The following ADAM22 variants were observed in gnomAD, a reference collection of about 807,000 sequenced individuals.
ADAM22 encodes the protein ADAM metallopeptidase domain 22.
A neutral mutation model predicts 144.6 loss-of-function variants in ADAM22; 65 were observed. That is an observed-to-expected ratio of 0.45 (90% CI 0.37 to 0.55). The LOEUF (loss-of-function observed/expected upper bound fraction) is 0.55, where lower values mean the gene tolerates loss of function less well. ADAM22 is among the 20% of genes least tolerant of loss of function. The pLI is 0.00. For synonymous variants in ADAM22, 391 were observed against 412.6 expected (o/e 0.95, Z 0.63); for missense variants, 974 against 1,184.9 (o/e 0.82, Z 2.61).
intron 2 of ADAM22, among the ~76,000 whole-genome samples, chr7:87,946,665 A>T (rs1843737882): frequency 6.6e-6 from 1 of 152,136 alleles, no homozygotes; most frequent in Non-Finnish European, 1.5e-5. Context: ...GGCTGGAGGT[A>T]TGCAGCTTTG....
chr7:87,982,155 C>T (rs1260952773), intron 3 of ADAM22, among the ~76,000 whole-genome samples: 2 of 150,964 alleles, frequency 1.3e-5, no homozygotes, highest in East Asian at 2.0e-4. Flanking sequence ...AAAAGCTTCT[C>T]TAGACCCTGA....
At chr7:88,192,071 A>AC (rs1363910730) in intron 30 of ADAM22, among the ~76,000 whole-genome samples, 2 of 152,186 alleles carry the variant, frequency 1.3e-5, no homozygotes, top group African/African-American at 4.8e-5. Context: ...GTAGATCTTG[A>AC]CCTACCTAGT....
In ADAM22 at chr7:88,149,029, G is replaced by T. The variant is rs200398630; in HGVS notation, c.1538G>T (p.Arg513Leu). The part of the protein sequence containing the change: ...CREAVNDCDI[R>L]ETCSGNSSQC... The stretch of plus-strand genomic sequence containing the variant: ...GAAGCAGTAAATGATTGTGATATTC[G>T]TGAAACGTGCTCAGGAAATTCAAGC... The change falls in exon 18 of 32, where the codon CGT (arginine) becomes CTT (leucine). Residue 513 changes from arginine to leucine, a missense_variant. By Grantham distance (102) the Arg-to-Leu change is moderately radical (BLOSUM62 -2). Transcript: ENST00000413139. The T allele has an allele frequency of 1.2e-6, 2 of 1,612,008 alleles. No individual in the cohort carries two copies. Among genetic ancestry groups the T allele is most frequent in the East Asian group, 2.2e-5 (1 of 44,790 alleles).
At position 88,131,343 on chromosome 7, in the gene ADAM22, C is replaced by G. The variant is rs769724158; in HGVS notation, c.900C>G (p.Ala300=). 3 of 1,613,704 alleles carry G rather than the reference C, an allele frequency of 1.9e-6. No individual in the cohort carries two copies. Among genetic ancestry groups the G allele is most frequent in the South Asian group, 1.1e-5 (1 of 91,068 alleles). ...CCTGGGCGACTGACAACAAGTTTGCCATATCTGAAAATCCATTGATCACCC... is the reference window on the plus strand; with the variant it reads ...CCTGGGCGACTGACAACAAGTTTGCGATATCTGAAAATCCATTGATCACCC... ...METWATDNKF[A]ISENPLITLR... is the part of the protein sequence containing the mutation. Residue 300 remains alanine (A), a synonymous_variant, in exon 11 of 32, where the codon GCC becomes GCG. Coordinates refer to ENST00000413139, the MANE Select transcript of ADAM22 (RefSeq NM_001324418.2).
intron 3 of ADAM22, among the ~76,000 whole-genome samples, chr7:88,029,791 G>T (rs1167667219): frequency 2.6e-5 from 4 of 151,606 alleles, no homozygotes; most frequent in African/African-American, 4.8e-5. Flanking sequence ...TTTTAAATAT[G>T]TCATGCCACT....
intron 3 of ADAM22, among the ~76,000 whole-genome samples, chr7:88,051,363 A>T (rs891708822): frequency 6.6e-6 from 1 of 152,222 alleles, no homozygotes; most frequent in African/African-American, 2.4e-5. Flanking sequence ...ATGGAATACT[A>T]TGCAGCCATA....
intron 26 of ADAM22, among the ~76,000 whole-genome samples, chr7:88,176,323 A>T (rs1197750094): frequency 6.6e-6 from 1 of 152,178 alleles, no homozygotes; most frequent in Admixed American, 6.5e-5. Flanking sequence ...TTCCTTATGG[A>T]ATTTTAGGGA....
At chr7:87,960,621 G>T (rs1032011401) in intron 2 of ADAM22, among the ~76,000 whole-genome samples, 1 of 152,108 alleles carries the variant, frequency 6.6e-6, no homozygotes, top group Non-Finnish European at 1.5e-5. Flanking sequence ...AGAGATTCTT[G>T]ATTTCTCTTT....
chr7:87,959,688 A>G (rs1482441727), intron 2 of ADAM22, among the ~76,000 whole-genome samples: 1 of 152,222 alleles, frequency 6.6e-6, no homozygotes, highest in Non-Finnish European at 1.5e-5. Flanking sequence ...CAGACAGGTG[A>G]TCTAGAAGAA....
chr7:88,162,878 G>A, intron 22 of ADAM22, 134 bp from the exon 23 acceptor site: 1 of 808,722 alleles, frequency 1.2e-6, no homozygotes, highest in Non-Finnish European at 1.9e-6. Flanking sequence ...GATTGAACTG[G>A]CTTATGCTAC....
intron 12 of ADAM22, among the ~76,000 whole-genome samples, chr7:88,133,351 A>G (rs1832254772): frequency 6.7e-6 from 1 of 149,446 alleles, no homozygotes; most frequent in South Asian, 2.2e-4. Context: ...CAACAGAGTG[A>G]GACCCTGTCT....
At chr7:88,027,125 G>A (rs759196231) in intron 3 of ADAM22, among the ~76,000 whole-genome samples, 4 of 152,120 alleles carry the variant, frequency 2.6e-5, no homozygotes, top group African/African-American at 7.2e-5. Flanking sequence ...TGTTGAATTT[G>A]GTTTGCTAGT....
chr7:88,201,710 C>T lies in ADAM22; in HGVS notation c.*5219C>T, dbSNP rs1010587395. The T allele has an allele frequency of 3.3e-5, 5 of 152,162 alleles. No individual in the cohort carries two copies. Among genetic ancestry groups the T allele is most frequent in the East Asian group, 1.9e-4 (1 of 5,202 alleles). 9.4% of individuals were successfully genotyped at this position (152,162 alleles called of 1,614,324 possible). On this transcript the variant is annotated 3_prime_UTR_variant, in exon 32 of 32. Coordinates refer to ENST00000413139, the MANE Select transcript of ADAM22 (RefSeq NM_001324418.2). ...AAGTAATCATCATTCCATGTTCCTA[C>T]GTATCCTTGAAATCAAAACCAGGCA...
chr7:88,094,014 G>T (rs1820613337), intron 4 of ADAM22, among the ~76,000 whole-genome samples: 1 of 152,160 alleles, frequency 6.6e-6, no homozygotes, highest in Admixed American at 6.6e-5. Context: ...ATAATTCTCA[G>T]ATACTCAATG....
At chr7:88,183,537 T>G (rs984632029) in intron 29 of ADAM22, among the ~76,000 whole-genome samples, 1 of 152,144 alleles carries the variant, frequency 6.6e-6, no homozygotes, top group Non-Finnish European at 1.5e-5. Context: ...CTTATTTTTT[T>G]AAATGTTGTG....
At chr7:87,981,037 A>T (rs1853286368) in intron 3 of ADAM22, among the ~76,000 whole-genome samples, 1 of 152,182 alleles carries the variant, frequency 6.6e-6, no homozygotes, top group Admixed American at 6.5e-5. Flanking sequence ...TGAGCAATTC[A>T]GTCCAATTTT....
chr7:87,982,337 TC>T (rs1340415891), intron 3 of ADAM22, among the ~76,000 whole-genome samples: 4 of 151,686 alleles, frequency 2.6e-5, no homozygotes, highest in African/African-American at 9.7e-5. Context: ...GAATTGGTTG[TC>T]CGGGACAGGC....
chr7:88,165,068 T>C (rs1179420776), intron 23 of ADAM22, among the ~76,000 whole-genome samples: 1 of 152,116 alleles, frequency 6.6e-6, no homozygotes, highest in Non-Finnish European at 1.5e-5. Flanking sequence ...GAAACCCCTG[T>C]AGTAAAAACC....
intron 7 of ADAM22, among the ~76,000 whole-genome samples, chr7:88,119,221 G>T (rs964440117): frequency 5.9e-5 from 9 of 152,162 alleles, no homozygotes; most frequent in Admixed American, 3.3e-4. Context: ...TAAAAGTCTT[G>T]TGTACCATTC....
Sources: gnomAD v4.1 joint callset for allele counts (sites outside exome capture counted in the v4.1 genomes callset) on GRCh38, gnomAD v4.1.1 for gene constraint, MANE v1.5 for transcripts, NCBI Gene and HGNC (gene_info 2026-07-23, HGNC 2026-07-21) for gene names.